Variants in DOK6 observed in about 807,000 individuals in gnomAD.
The protein encoded by DOK6 is docking protein 6, also known as downstream of tyrosine kinase 6.
DOK6 carries 22 observed loss-of-function variants against 44.0 expected under a neutral mutation model. The observed-to-expected ratio is 0.50, with a 90% CI of 0.36 to 0.71. The LOEUF is 0.71. Ranked by LOEUF, DOK6 falls within the 30% of genes least tolerant of loss-of-function variation. The probability of loss-of-function intolerance (pLI) is 0.00; values close to 1 mark genes in which losing one functional copy is unlikely to be tolerated. For missense variants in DOK6, 340 were observed against 416.4 expected, an observed-to-expected ratio of 0.82 and a Z score of 1.60; for synonymous variants, 166 against 145.5, an observed-to-expected ratio of 1.14 and a Z score of -1.01.
chr18:69,584,071 G>A (rs1166187781), intron 2 of DOK6, among the ~76,000 whole-genome samples: 4 of 135,498 alleles, frequency 3.0e-5, no homozygotes, highest in African/African-American at 8.3e-5. Flanking sequence ...TCGCGCCACT[G>A]CACTCCAGCC....
At chr18:69,608,811 G>T (rs1294924231) in intron 3 of DOK6, among the ~76,000 whole-genome samples, 1 of 151,890 alleles carries the variant, frequency 6.6e-6, no homozygotes, top group African/African-American at 2.4e-5. Flanking sequence ...TTAGGTGGGC[G>T]TGGTGGCAGG....
intron 7 of DOK6, among the ~76,000 whole-genome samples, chr18:69,800,909 A>G (rs1980884686): frequency 1.3e-5 from 2 of 152,182 alleles, no homozygotes; most frequent in South Asian, 4.1e-4. Flanking sequence ...AGTTTATTTT[A>G]AAGTACATGT....
chr18:69,613,200 A>G (rs1281681386), intron 3 of DOK6, among the ~76,000 whole-genome samples: 2 of 152,060 alleles, frequency 1.3e-5, no homozygotes, highest in South Asian at 2.1e-4. Context: ...AATTTTAAAG[A>G]CTATGTGCTT....
intron 1 of DOK6, among the ~76,000 whole-genome samples, chr18:69,509,648 A>ACC (rs1981306069): frequency 6.8e-6 from 1 of 147,986 alleles, no homozygotes; most frequent in South Asian, 2.2e-4. Context: ...AAAAAAAAAA[A>ACC]AAAAAAAAAA....
chr18:69,653,440 T>C (rs1985283946), intron 3 of DOK6, among the ~76,000 whole-genome samples: 2 of 152,172 alleles, frequency 1.3e-5, no homozygotes, highest in African/African-American at 4.8e-5. Flanking sequence ...CCCGAGGTAC[T>C]TGCCGTCTGG....
At chr18:69,448,402 A>T (rs1234648490) in intron 1 of DOK6, among the ~76,000 whole-genome samples, 1 of 151,348 alleles carries the variant, frequency 6.6e-6, no homozygotes, top group East Asian at 1.9e-4. Flanking sequence ...ACAGAGTTTC[A>T]CTCTTGTTGC....
intron 1 of DOK6, among the ~76,000 whole-genome samples, chr18:69,430,626 A>G (rs1046043210): frequency 6.6e-6 from 1 of 152,198 alleles, no homozygotes; most frequent in Non-Finnish European, 1.5e-5. Flanking sequence ...TTGCAAAAAT[A>G]GCAGAGAGTA....
chr18:69,726,609 C>T (rs1220185261), intron 5 of DOK6, among the ~76,000 whole-genome samples: 5 of 151,280 alleles, frequency 3.3e-5, no homozygotes, highest in Non-Finnish European at 7.4e-5. Context: ...CTATAAACAA[C>T]AAATTGTATA....
At chr18:69,827,743 A>T (rs192276737) in intron 7 of DOK6, among the ~76,000 whole-genome samples, 1 of 152,030 alleles carries the variant, frequency 6.6e-6, no homozygotes, top group Admixed American at 6.6e-5. Flanking sequence ...AGCTTTCTGC[A>T]TACTGACTCC....
chr18:69,526,802 G>A (rs929949151), intron 1 of DOK6, among the ~76,000 whole-genome samples: 3 of 152,154 alleles, frequency 2.0e-5, no homozygotes. Flanking sequence ...AGAACAATAA[G>A]TGCTGAGAGA....
chr18:69,507,324 G>C (rs1163799365), intron 1 of DOK6, among the ~76,000 whole-genome samples: 1 of 152,106 alleles, frequency 6.6e-6, no homozygotes, highest in Non-Finnish European at 1.5e-5. Flanking sequence ...ACCGTGCCCA[G>C]CCGGTAATTA....
intron 1 of DOK6, among the ~76,000 whole-genome samples, chr18:69,505,947 T>C (rs1023408675): frequency 1.3e-5 from 2 of 151,956 alleles, no homozygotes; most frequent in Non-Finnish European, 2.9e-5. Flanking sequence ...CTTACCCATA[T>C]GCTTTTTTTT....
chr18:69,506,730 A>G (rs1358734823), intron 1 of DOK6, among the ~76,000 whole-genome samples: 1 of 152,102 alleles, frequency 6.6e-6, no homozygotes, highest in East Asian at 1.9e-4. Context: ...GTGTGGGAAC[A>G]TATTTTAATT....
At chr18:69,674,541 C>A (rs1985877543) in intron 3 of DOK6, among the ~76,000 whole-genome samples, 1 of 152,008 alleles carries the variant, frequency 6.6e-6, no homozygotes. Context: ...CATACACTCA[C>A]AAAATATGAC....
chr18:69,840,525 CG>C (rs1319248919), intron 7 of DOK6, among the ~76,000 whole-genome samples: 1 of 152,188 alleles, frequency 6.6e-6, no homozygotes, highest in Non-Finnish European at 1.5e-5. Context: ...CTTCTGTTTT[CG>C]GTTTGCGATA....
intron 3 of DOK6, among the ~76,000 whole-genome samples, chr18:69,653,484 T>G (rs2144664994): frequency 6.6e-6 from 1 of 152,190 alleles, no homozygotes; most frequent in East Asian, 1.9e-4. Flanking sequence ...GAAGCCAAGC[T>G]GAAGGTGGTG....
At chr18:69,755,332 A>G (rs1979320141) in intron 6 of DOK6, among the ~76,000 whole-genome samples, 2 of 152,198 alleles carry the variant, frequency 1.3e-5, no homozygotes, top group African/African-American at 4.8e-5. Context: ...TAAAAAAAAG[A>G]GAAGAAAAAG....
chr18:69,533,960 A>G (rs1014655701), intron 1 of DOK6, among the ~76,000 whole-genome samples: 1 of 152,202 alleles, frequency 6.6e-6, no homozygotes, highest in Non-Finnish European at 1.5e-5. Flanking sequence ...TAAAATGTAG[A>G]TATGCATGCC....
chr18:69,689,164 T>C (rs1986213020), intron 4 of DOK6, among the ~76,000 whole-genome samples: 1 of 152,104 alleles, frequency 6.6e-6, no homozygotes, highest in South Asian at 2.1e-4. Flanking sequence ...CTAAGAGTGT[T>C]AGAAATCAGA....
Sources: allele counts gnomAD v4.1 joint callset (sites outside exome capture counted in the v4.1 genomes callset), GRCh38; gene constraint gnomAD v4.1.1; transcripts MANE v1.5; gene names NCBI Gene and HGNC (gene_info 2026-07-23, HGNC 2026-07-21).